Variants in ITPR1 observed in about 807,000 individuals in gnomAD.
ITPR1 encodes the protein inositol 1,4,5-trisphosphate receptor type 1.
Under a neutral mutation model 318.4 loss-of-function variants are expected in ITPR1, and 96 were observed. That is an observed-to-expected ratio of 0.30 (90% CI 0.26 to 0.36). ITPR1 has a LOEUF of 0.36. Among genes scored for constraint, ITPR1 ranks in the 10% least tolerant of loss-of-function variants. The probability of loss-of-function intolerance (pLI) is 1.00; values close to 1 mark genes in which losing one functional copy is unlikely to be tolerated. For missense variants in ITPR1, 2,440 were observed against 3,460.2 expected (o/e 0.71, Z 7.40); for synonymous variants, 1,312 against 1,289.9 (o/e 1.02, Z -0.37).
chr3:4,545,747 G>C (rs2084928662), intron 4 of ITPR1, among the ~76,000 whole-genome samples: 1 of 141,762 alleles, frequency 7.1e-6, no homozygotes, highest in African/African-American at 2.7e-5. Context: ...ACCCAGGCTA[G>C]AGTGCAGTGG....
rs541601859 is a variant in ITPR1 at position 4,778,747 on chromosome 3, A to G, written c.6292-803A>G. ...AATCCAGTGATCTATGGATGATGAT[A>G]GAAATTTGTGCCCTGCGATAGCATG... On this transcript the variant is annotated intron_variant, in intron 48 of 61. Coordinates refer to ENST00000649015, the MANE Select transcript of ITPR1 (RefSeq NM_001378452.1). Among the ~76,000 whole-genome samples, 26 of 152,344 alleles carry G rather than the reference A, an allele frequency of 1.7e-4. No homozygotes were observed. The South Asian group carries it at 5.0e-3, about 29-fold the overall frequency.
intron 4 of ITPR1, among the ~76,000 whole-genome samples, chr3:4,579,497 A>G (rs1417412980): frequency 6.6e-6 from 1 of 152,196 alleles, no homozygotes; most frequent in Non-Finnish European, 1.5e-5. Flanking sequence ...TCTTCATGGA[A>G]ATTAATTTTC....
chr3:4,763,357 C>T (rs2045586551), intron 44 of ITPR1, among the ~76,000 whole-genome samples: 1 of 151,806 alleles, frequency 6.6e-6, no homozygotes, highest in Non-Finnish European at 1.5e-5. Flanking sequence ...CAGAACTTAA[C>T]AAATTTAAAA....
At chr3:4,654,623 T>G (rs2093665514) in intron 12 of ITPR1, among the ~76,000 whole-genome samples, 1 of 152,216 alleles carries the variant, frequency 6.6e-6, no homozygotes, top group South Asian at 2.1e-4. Flanking sequence ...CTCCTGTGTC[T>G]GACATGTGTG....
At position 4,775,311 on chromosome 3, in the gene ITPR1, T is replaced by A; in HGVS notation, c.6049T>A (p.Cys2017Ser). 6.2e-7 allele frequency: 1 copy of A among 1,614,030 alleles called. No homozygotes were observed. The highest frequency in any genetic ancestry group is 8.5e-7 in the Non-Finnish European group (1 of 1,179,856). Residue 2017 changes from cysteine to serine, a missense_variant, in exon 47 of 62, where the codon TGT (cysteine) becomes AGT (serine). By Grantham distance (112) the Cys-to-Ser change is moderately radical. Transcript: ENST00000649015. ...ATGTGAGACCCTGCAGTTTCTGGAC[T>A]GTATTTGTGGAAGCACAACTGGAGG... is the stretch of plus-strand genomic sequence containing the variant. ...LVCETLQFLD[C>S]ICGSTTGGLG...
chr3:4,665,509 A>T (rs538074933), intron 17 of ITPR1, among the ~76,000 whole-genome samples: 2 of 152,330 alleles, frequency 1.3e-5, no homozygotes, highest in South Asian at 4.1e-4. Flanking sequence ...TTCTGCAGAC[A>T]TCTTTCTATG....
intron 4 of ITPR1, among the ~76,000 whole-genome samples, chr3:4,528,203 G>A (rs1008085689): frequency 2.0e-5 from 3 of 152,216 alleles, no homozygotes; most frequent in African/African-American, 7.2e-5. Flanking sequence ...GTTAAATTGG[G>A]TTTTTCCAAG....
At chr3:4,636,698 G>A (rs2093202540) in intron 5 of ITPR1, among the ~76,000 whole-genome samples, 1 of 152,212 alleles carries the variant, frequency 6.6e-6, no homozygotes, top group African/African-American at 2.4e-5. Context: ...CAGAGTGCTG[G>A]GATTACAGGC....
intron 4 of ITPR1, among the ~76,000 whole-genome samples, chr3:4,549,167 A>G (rs147703755): frequency 0.017 from 2,581 of 152,316 alleles, 67 homozygotes; most frequent in African/African-American, 0.059. Context: ...CTAAATACCA[A>G]TTTGCCTTAT....
intron 3 of ITPR1, among the ~76,000 whole-genome samples, chr3:4,519,230 T>A (rs1326335294): frequency 6.6e-6 from 1 of 152,090 alleles, no homozygotes; most frequent in African/African-American, 2.4e-5. Flanking sequence ...ATGATTTATT[T>A]ATTTTTTTTT....
At chr3:4,500,308 T>C (rs919430718) in intron 2 of ITPR1, among the ~76,000 whole-genome samples, 10 of 152,154 alleles carry the variant, frequency 6.6e-5, no homozygotes, top group Non-Finnish European at 1.5e-4. Context: ...CAAGCTACCC[T>C]CTCACCTAAT....
At chr3:4,714,681 A>G (rs1354646780) in intron 39 of ITPR1, among the ~76,000 whole-genome samples, 1 of 152,198 alleles carries the variant, frequency 6.6e-6, no homozygotes, top group Admixed American at 6.5e-5. Context: ...CTAAGCGATA[A>G]TCCTTAAAGA....
intron 2 of ITPR1, among the ~76,000 whole-genome samples, chr3:4,504,727 G>A (rs1471423723): frequency 6.6e-6 from 1 of 152,152 alleles, no homozygotes; most frequent in African/African-American, 2.4e-5. Flanking sequence ...TTAACCCTGA[G>A]TGCCCAGGAA....
intron 56 of ITPR1, 118 bp from the exon 57 acceptor site, chr3:4,813,024 A>T (rs896532886): frequency 1.3e-6 from 1 of 764,088 alleles, no homozygotes. Flanking sequence ...TTTATATGCA[A>T]GATTCTAGGG....
At chr3:4,680,799 A>T in intron 25 of ITPR1, 108 bp downstream of exon 25, 1 of 961,956 alleles carries the variant, frequency 1.0e-6, no homozygotes, top group Non-Finnish European at 1.5e-6. Flanking sequence ...GGTTTTGAGG[A>T]TTATTGCACC....
intron 48 of ITPR1, 59 bp downstream of exon 48, chr3:4,777,433 C>T (rs2046549411): frequency 1.8e-5 from 19 of 1,047,846 alleles, no homozygotes; most frequent in Non-Finnish European, 2.7e-5. Context: ...TTGTGTTTTG[C>T]CTTGGCACAT....
intron 2 of ITPR1, among the ~76,000 whole-genome samples, chr3:4,496,502 A>G (rs923717730): frequency 2.6e-5 from 4 of 152,220 alleles, no homozygotes; most frequent in African/African-American, 7.2e-5. Flanking sequence ...GGGGTTGACA[A>G]TGGTATCTAT....
At chr3:4,635,383 C>G (rs1472389275) in intron 5 of ITPR1, among the ~76,000 whole-genome samples, 3 of 152,128 alleles carry the variant, frequency 2.0e-5, no homozygotes, top group Non-Finnish European at 2.9e-5. Context: ...CTCTGTCGCC[C>G]AGGCTGCAGT....
chr3:4,701,641 A>G (rs1004473940), intron 35 of ITPR1, among the ~76,000 whole-genome samples: 1 of 151,834 alleles, frequency 6.6e-6, no homozygotes, highest in Non-Finnish European at 1.5e-5. Flanking sequence ...CTTGCAGTTG[A>G]CCTCCTGCTT....
Sources: gnomAD v4.1 joint callset for allele counts (sites outside exome capture counted in the v4.1 genomes callset) on GRCh38, gnomAD v4.1.1 for gene constraint, MANE v1.5 for transcripts, NCBI Gene and HGNC (gene_info 2026-07-23, HGNC 2026-07-21) for gene names.